THRA: variants seen among roughly 807,000 people sequenced by gnomAD.
THRA encodes the protein EAR-7.
Under a neutral mutation model 45.0 loss-of-function variants are expected in THRA, and 13 were observed. That is an observed-to-expected ratio of 0.29 (90% CI 0.19 to 0.46). The LOEUF is 0.46. THRA is among the 20% of genes least tolerant of loss of function. The probability of loss-of-function intolerance (pLI) is 1.00; values close to 1 mark genes in which losing one functional copy is unlikely to be tolerated. For missense variants in THRA, 278 were observed against 556.1 expected (o/e 0.50, Z 5.03); for synonymous variants, 195 against 214.0 (o/e 0.91, Z 0.78).
In THRA at chr17:40,091,263, C is replaced by T. The variant is rs1170669572; in HGVS notation, c.*1807C>T. Reference sequence around the variant, plus strand: ...ACACACACACACACACACACACACACACACACACGGACATGCACACACGGA... The same window carrying T: ...ACACACACACACACACACACACACATACACACACGGACATGCACACACGGA... On this transcript the variant is annotated 3_prime_UTR_variant, in exon 9 of 9. Transcript: ENST00000450525. 2.6e-5 allele frequency: 4 copies of T among 155,630 alleles called. No individual in the cohort carries two copies. The highest frequency in any genetic ancestry group is 2.0e-4 in the South Asian group (1 of 4,942). 9.6% of individuals were successfully genotyped at this position (155,630 alleles called of 1,614,324 possible). A position where few individuals can be genotyped will look rare whatever the true frequency, so the allele number is the denominator to read the frequency against.
intron 7 of THRA, among the ~76,000 whole-genome samples, chr17:40,087,414 GCACACACACA>G (rs112827341): frequency 8.4e-6 from 1 of 119,246 alleles, no homozygotes; most frequent in Admixed American, 8.4e-5. Flanking sequence ...CAGCACACAG[GCACACACACA>G]CACACACACC....
chr17:40,063,449 C>T (rs1461045337), intron 1 of THRA, among the ~76,000 whole-genome samples: 1 of 152,148 alleles, frequency 6.6e-6, no homozygotes, highest in Non-Finnish European at 1.5e-5. Flanking sequence ...CCCGCCGCGC[C>T]GCGGTTTGTT....
chr17:40,072,625 G>T (rs533069364), intron 1 of THRA, among the ~76,000 whole-genome samples: 9 of 152,136 alleles, frequency 5.9e-5, no homozygotes, highest in African/African-American at 1.4e-4. Flanking sequence ...AGGCAGCCTC[G>T]CTGGACGTGG....
chr17:40,093,276 G>A (rs994746702), downstream of THRA: 5 of 1,613,560 alleles, frequency 3.1e-6, no homozygotes, highest in African/African-American at 1.3e-5. This position sits in a 1 kb window ranked among gnomAD's most constrained non-coding sequence, Gnocchi z 5.9. Context: ...CTCCATGCCC[G>A]AGCGGTCTGT....
At chr17:40,066,072 A>G (rs1309942198) in intron 1 of THRA, among the ~76,000 whole-genome samples, 1 of 152,180 alleles carries the variant, frequency 6.6e-6, no homozygotes, top group Admixed American at 6.5e-5. Flanking sequence ...CTTTTTGCCC[A>G]GCCTCAGGGC....
chr17:40,071,747 G>A (rs918175687), intron 1 of THRA, among the ~76,000 whole-genome samples: 4 of 152,152 alleles, frequency 2.6e-5, no homozygotes, highest in East Asian at 1.9e-4. Context: ...CCCCTTACCC[G>A]CTGACCTTTT....
At chr17:40,088,170 G>C (rs1371116874) in intron 7 of THRA, 72 bp from the exon 8 acceptor site, 5 of 1,513,550 alleles carry the variant, frequency 3.3e-6, no homozygotes, top group Non-Finnish European at 3.5e-6. Context: ...GCTCCCGTAG[G>C]ACACTCTAGG....
downstream of THRA, chr17:40,093,539 C>A: frequency 8.4e-7 from 1 of 1,185,134 alleles, no homozygotes; most frequent in Non-Finnish European, 1.2e-6. The surrounding 1 kb of genome is among the most constrained non-coding windows in gnomAD (Gnocchi z 5.9). Flanking sequence ...CTCAGCAGGC[C>A]AAACATGGCC....
chr17:40,078,159 G>T (rs537870629), intron 4 of THRA, among the ~76,000 whole-genome samples: 222 of 152,334 alleles, frequency 1.5e-3, no homozygotes, highest in Non-Finnish European at 2.6e-3. Context: ...AATTAAATAT[G>T]TTGGGAGATA....
At position 40,089,053 on chromosome 17, in the gene THRA, C is replaced by A. The variant is rs973537306; in HGVS notation, c.983-153C>A. ...CCTCTCCCTGTGCTTCTCCTGTCCA[C>A]GTCTCTCAGGGGGAGCTTCTCCCCT... On this transcript the variant is annotated intron_variant, in intron 8 of 8. Transcript: ENST00000450525. The surrounding 1 kb of genome is among the most constrained non-coding windows in gnomAD (Gnocchi z 6.1). 6.7e-6 allele frequency among the ~76,000 whole-genome samples: 1 copy of A among 149,136 alleles called. No individual in the cohort carries two copies. Among genetic ancestry groups the A allele is most frequent in the Non-Finnish European group, 1.5e-5 (1 of 67,250 alleles).
intron 3 of THRA, 107 bp downstream of exon 3, chr17:40,077,045 G>C: frequency 8.3e-7 from 1 of 1,201,372 alleles, no homozygotes; most frequent in Non-Finnish European, 1.2e-6. Context: ...GTTCCCTGGG[G>C]GGAGCCTCCT....
chr17:40,065,866 G>T (rs1460010556), intron 1 of THRA, among the ~76,000 whole-genome samples: 1 of 152,174 alleles, frequency 6.6e-6, no homozygotes, highest in Non-Finnish European at 1.5e-5. Flanking sequence ...GCAGGCTGCA[G>T]CCAGCTAGCA....
intron 1 of THRA, among the ~76,000 whole-genome samples, chr17:40,068,658 G>A (rs1986657298): frequency 6.6e-6 from 1 of 152,190 alleles, no homozygotes; most frequent in African/African-American, 2.4e-5. Flanking sequence ...GGCATTAAAG[G>A]TTGATACCAA....
intron 1 of THRA, among the ~76,000 whole-genome samples, chr17:40,072,817 G>C (rs977776457): frequency 5.9e-5 from 9 of 152,020 alleles, no homozygotes; most frequent in African/African-American, 2.2e-4. Flanking sequence ...ATTTATAACA[G>C]GAATTTCTCC....
In THRA at chr17:40,091,262, ACACACACACG is replaced by A. The variant is rs1362871884; in HGVS notation, c.*1807_*1816del. On this transcript the variant is annotated 3_prime_UTR_variant, in exon 9 of 9. Coordinates refer to ENST00000450525, the MANE Select transcript of THRA (RefSeq NM_199334.5). ...CACACACACACACACACACACACAC[ACACACACACG>A]GACATGCACACACGGACATGGGAAG... The A allele has an allele frequency of 1.3e-5, 2 of 155,592 alleles. No homozygotes were observed. The highest frequency in any genetic ancestry group is 4.9e-5 in the African/African-American group (2 of 40,692). 9.6% of individuals were successfully genotyped at this position (155,592 alleles called of 1,614,324 possible).
At position 40,089,208 on chromosome 17, in the gene THRA, C is replaced by T; in HGVS notation, c.985C>T (p.Arg329Cys). The T allele has an allele frequency of 1.2e-6, 2 of 1,613,708 alleles. No individual in the cohort carries two copies. The highest frequency in any genetic ancestry group is 8.5e-7 in the Non-Finnish European group (1 of 1,179,930). Residue 329 changes from arginine to cysteine, a missense_variant and splice_region_variant, in exon 9 of 9, where the codon CGC (arginine) becomes TGC (cysteine). By Grantham distance (180) the Arg-to-Cys change is radical. Coordinates refer to ENST00000450525, the MANE Select transcript of THRA (RefSeq NM_199334.5). The surrounding 1 kb of genome is among the most constrained non-coding windows in gnomAD (Gnocchi z 6.1). ...LQAVLLMSTD[R>C]SGLLCVDKIE... ...CTCACGCCCCTCTTCCCTCACAGAC[C>T]GCTCGGGCCTGCTGTGTGTGGACAA... is the stretch of plus-strand genomic sequence containing the variant.
intron 4 of THRA, among the ~76,000 whole-genome samples, chr17:40,079,944 G>A (rs1252093098): frequency 1.3e-5 from 2 of 152,100 alleles, no homozygotes; most frequent in South Asian, 2.1e-4. Context: ...ATGTACGCCT[G>A]TAATCCCACC....
Position 40,088,349 on chromosome 17 carries a change from T to C in THRA, c.831T>C (p.Ser277=). 1 of 1,613,950 alleles carries C rather than the reference T, an allele frequency of 6.2e-7. No homozygotes were observed. Among genetic ancestry groups the C allele is most frequent in the Non-Finnish European group, 8.5e-7 (1 of 1,179,936 alleles). ...YDPESDTLTL[S]GEMAVKREQL... is the part of the protein sequence containing the mutation. ...CTGAGAGCGACACCCTGACGCTGAG[T>C]GGGGAGATGGCTGTCAAGCGGGAGC... Residue 277 remains serine (S), a synonymous_variant, in exon 8 of 9, where the codon AGT becomes AGC. Transcript: ENST00000450525.
At chr17:40,072,686 G>A (rs987275089) in intron 1 of THRA, among the ~76,000 whole-genome samples, 1 of 151,750 alleles carries the variant, frequency 6.6e-6, no homozygotes, top group African/African-American at 2.4e-5. Flanking sequence ...AGCGGCCCTC[G>A]CCCCCTGCCC....
Sources: allele counts gnomAD v4.1 joint callset (sites outside exome capture counted in the v4.1 genomes callset), GRCh38; gene constraint gnomAD v4.1.1; non-coding constraint Gnocchi (gnomAD v3.1); transcripts MANE v1.5; gene names NCBI Gene and HGNC (gene_info 2026-07-23, HGNC 2026-07-21).